Variants in ZNF672 observed in about 807,000 individuals in gnomAD.
The protein encoded by ZNF672 is hypothetical protein FLJ22301.
For synonymous variants in ZNF672, 358 were observed against 305.6 expected, an observed-to-expected ratio of 1.17 and a Z score of -1.79; for missense variants, 733 against 701.1, an observed-to-expected ratio of 1.05 and a Z score of -0.51.
In ZNF672 at chr1:248,848,085, C is replaced by T. The variant is rs767860381; in HGVS notation, c.811C>T (p.Leu271=). 2 of 1,548,764 alleles carry T rather than the reference C, an allele frequency of 1.3e-6. No individual in the cohort carries two copies. The highest frequency in any genetic ancestry group is 1.7e-4 in the Middle Eastern group (1 of 5,978). ...GRCFSESSTL[L]RHRRSHQGER... ...CTGCTTCAGCGAGAGTTCCACGCTG[C>T]TGCGCCATCGGCGCAGCCATCAGGG... is the stretch of plus-strand genomic sequence containing the variant. The change falls in exon 4 of 4, where the codon CTG becomes TTG. Residue 271 remains leucine (L), a synonymous_variant. Transcript: ENST00000306562.
At chr1:248,840,539 A>G (rs755492065) in intron 1 of ZNF672, among the ~76,000 whole-genome samples, 3 of 152,290 alleles carry the variant, frequency 2.0e-5, no homozygotes, top group Non-Finnish European at 4.4e-5. Flanking sequence ...TAGTAAACCA[A>G]AGCAGAATAT....
Position 248,847,133 on chromosome 1 carries a change from C to A in ZNF672, c.-142C>A. 1 of 1,159,988 alleles carries A rather than the reference C, an allele frequency of 8.6e-7. No homozygotes were observed. 71.9% of individuals were successfully genotyped at this position (1,159,988 alleles called of 1,614,324 possible). A position where few individuals can be genotyped will look rare whatever the true frequency, so the allele number is the denominator to read the frequency against. ...GCCCCTTAGAGAAGAACCCTGAAAT[C>A]AGACCAGTTTTTGCGGCCTCCCCCT... On this transcript the variant is annotated 5_prime_UTR_variant, in exon 4 of 4. Coordinates refer to ENST00000306562, the MANE Select transcript of ZNF672 (RefSeq NM_024836.3).
chr1:248,847,465 A>G lies in ZNF672; in HGVS notation c.191A>G (p.His64Arg), dbSNP rs747802109. Reference sequence around the variant, plus strand: ...GACCTCCGAGCGCACAGGCGCACGCATGCTGGCCAGACCCTCTACATCTGC... The same window carrying G: ...GACCTCCGAGCGCACAGGCGCACGCGTGCTGGCCAGACCCTCTACATCTGC... ...AADLRAHRRT[H>R]AGQTLYICSE... is the part of the protein sequence containing the mutation. The change falls in exon 4 of 4, where the codon CAT (histidine) becomes CGT (arginine). Residue 64 changes from histidine (H) to arginine (R), a missense_variant. Transcript: ENST00000306562. 4 of 1,594,298 alleles carry G rather than the reference A, an allele frequency of 2.5e-6. No homozygotes were observed. Among genetic ancestry groups the G allele is most frequent in the Non-Finnish European group, 3.4e-6 (4 of 1,170,582 alleles).
intron 3 of ZNF672, among the ~76,000 whole-genome samples, chr1:248,846,025 C>G (rs1572198016): frequency 6.6e-6 from 1 of 152,278 alleles, no homozygotes; most frequent in Admixed American, 6.5e-5. Context: ...CCCGGAGCAA[C>G]CTGTCAGAAG....
rs550587339 is a variant in ZNF672 at position 248,849,260 on chromosome 1, C to T, written c.*627C>T. 88 of 387,924 alleles carry T rather than the reference C, an allele frequency of 2.3e-4. No homozygotes were observed. The highest frequency in any genetic ancestry group is 1.6e-3 in the African/African-American group (75 of 46,966). 24.0% of individuals were successfully genotyped at this position (387,924 alleles called of 1,614,324 possible). On this transcript the variant is annotated 3_prime_UTR_variant, in exon 4 of 4. Transcript: ENST00000306562. ...CAGTCACGTGAAGGTGGGCAGGGCC[C>T]TTAGCATGGCCACACATGTCCCCAG...
intron 1 of ZNF672, among the ~76,000 whole-genome samples, chr1:248,840,932 A>G (rs1477199967): frequency 6.6e-6 from 1 of 151,328 alleles, no homozygotes; most frequent in Non-Finnish European, 1.5e-5. Context: ...GAGTATTTGT[A>G]TGTGCAGTGG....
intron 1 of ZNF672, among the ~76,000 whole-genome samples, chr1:248,844,222 G>A (rs1413507729): frequency 1.3e-5 from 2 of 151,954 alleles, no homozygotes; most frequent in African/African-American, 2.4e-5. Flanking sequence ...GTTTTGTTTC[G>A]GGTTTTTTTA....
Position 248,847,902 on chromosome 1 carries a change from A to AAG in ZNF672, c.631_632dup (p.Ser211ArgfsTer5). On this transcript the variant is annotated frameshift_variant, in exon 4 of 4. Transcript: ENST00000306562. LOFTEE classifies it low-confidence loss of function (END_TRUNC). ...TGGCGTGTGCGGCAAGTGCTTTGGC[A>AAG]AGAGCTCTACGCTGACGCGACACCT... is the stretch of plus-strand genomic sequence containing the variant. The AAG allele has an allele frequency of 6.3e-7, 1 of 1,588,458 alleles. No homozygotes were observed. Among genetic ancestry groups the AAG allele is most frequent in the Non-Finnish European group, 8.5e-7 (1 of 1,169,624 alleles).
intron 1 of ZNF672, 109 bp from the exon 2 acceptor site, chr1:248,844,374 A>C (rs2103028710): frequency 6.6e-6 from 1 of 152,294 alleles, no homozygotes; most frequent in Non-Finnish European, 1.5e-5. Flanking sequence ...AAGTGAAAGA[A>C]ATTTGGTGGT....
chr1:248,841,753 G>A (rs1040914896), intron 1 of ZNF672, among the ~76,000 whole-genome samples: 1 of 152,122 alleles, frequency 6.6e-6, no homozygotes, highest in African/African-American at 2.4e-5. Context: ...AAAACCCCGT[G>A]TCTGCTAAAA....
chr1:248,847,318 C>A lies in ZNF672; in HGVS notation c.44C>A (p.Ser15Ter). ...SGAVAAGKPY[S>*]CSECGKSFCY... ...GCAGTGGCAGCGGGGAAGCCTTACTCGTGCAGCGAATGTGGCAAGAGCTTC... is the reference window on the plus strand; with the variant it reads ...GCAGTGGCAGCGGGGAAGCCTTACTAGTGCAGCGAATGTGGCAAGAGCTTC... Residue 15 changes from serine (S) to a stop codon, truncating the protein, a stop_gained, in exon 4 of 4, where the codon TCG becomes TAG. Transcript: ENST00000306562. LOFTEE classifies it low-confidence loss of function (END_TRUNC). 2 of 1,609,472 alleles carry A rather than the reference C, an allele frequency of 1.2e-6. No individual in the cohort carries two copies. The highest frequency in any genetic ancestry group is 1.3e-5 in the African/African-American group (1 of 75,012).
intron 1 of ZNF672, chr1:248,839,518 C>T (rs1480343782): frequency 6.6e-6 from 1 of 152,172 alleles, no homozygotes; most frequent in African/African-American, 2.4e-5. Flanking sequence ...GTAGCACCTG[C>T]TCATAGTCCC....
chr1:248,847,424 C>T lies in ZNF672; in HGVS notation c.150C>T (p.Arg50=). 1 of 1,592,398 alleles carries T rather than the reference C, an allele frequency of 6.3e-7. No homozygotes were observed. The highest frequency in any genetic ancestry group is 8.6e-7 in the Non-Finnish European group (1 of 1,169,256). ...GRFRCLECGE[R]CARAADLRAH... is the part of the protein sequence containing the mutation. ...TCCGTTGCCTAGAATGCGGTGAGCGCTGTGCACGGGCTGCTGACCTCCGAG... is the reference window on the plus strand; with the variant it reads ...TCCGTTGCCTAGAATGCGGTGAGCGTTGTGCACGGGCTGCTGACCTCCGAG... The change falls in exon 4 of 4, where the codon CGC becomes CGT. Residue 50 remains arginine, a synonymous_variant. Transcript: ENST00000306562.
At chr1:248,844,089 T>C (rs903531574) in intron 1 of ZNF672, among the ~76,000 whole-genome samples, 6 of 151,358 alleles carry the variant, frequency 4.0e-5, no homozygotes, top group Admixed American at 2.6e-4. Flanking sequence ...AAAATAAGGA[T>C]TTTCAATTAT....
chr1:248,847,524 C>A lies in ZNF672; in HGVS notation c.250C>A (p.Arg84Ser). 3 of 1,597,534 alleles carry A rather than the reference C, an allele frequency of 1.9e-6. No individual in the cohort carries two copies. Among genetic ancestry groups the A allele is most frequent in the Non-Finnish European group, 2.6e-6 (3 of 1,173,070 alleles). The change falls in exon 4 of 4, where the codon CGT becomes AGT. Residue 84 changes from arginine to serine, a missense_variant. Coordinates refer to ENST00000306562, the MANE Select transcript of ZNF672 (RefSeq NM_024836.3). ...ECGQSFRHSG[R>S]LDLHLGAHRQ... ...CGGACAAAGCTTCCGCCACAGCGGC[C>A]GTCTTGACCTACACTTGGGCGCACA...
Position 248,847,659 on chromosome 1 carries a change from C to A in ZNF672, c.385C>A (p.Arg129Ser), listed in dbSNP as rs1308781586. The change falls in exon 4 of 4, where the codon CGC becomes AGC. Residue 129 changes from arginine (R) to serine (S), a missense_variant. Physicochemically the swap from Arg to Ser is moderately radical, Grantham distance 110. Coordinates refer to ENST00000306562, the MANE Select transcript of ZNF672 (RefSeq NM_024836.3). ...RRQHLPERPR[R>S]CPLCARTFRQ... ...CCAGCATCTGCCAGAGCGGCCCCGCCGCTGCCCGCTGTGCGCCCGCACCTT... is the reference window on the plus strand; with the variant it reads ...CCAGCATCTGCCAGAGCGGCCCCGCAGCTGCCCGCTGTGCGCCCGCACCTT... 6.7e-7 allele frequency: 1 copy of A among 1,495,412 alleles called. No homozygotes were observed. The highest frequency in any genetic ancestry group is 8.9e-7 in the Non-Finnish European group (1 of 1,127,220). 92.6% of individuals were successfully genotyped at this position (1,495,412 alleles called of 1,614,324 possible).
At position 248,848,036 on chromosome 1, in the gene ZNF672, G is replaced by A. The variant is rs569751667; in HGVS notation, c.762G>A (p.Pro254=). 7.1e-6 allele frequency: 11 copies of A among 1,549,148 alleles called. No homozygotes were observed. In the South Asian group the frequency reaches 1.2e-4, roughly 17 times the overall value. The stretch of plus-strand genomic sequence containing the variant: ...AGCGCACACACACGGGCGAGAAGCC[G>A]TACGCATGTGGCGACTGTGGACGCT... The part of the protein sequence containing the change: ...RHQRTHTGEK[P]YACGDCGRCF... The change falls in exon 4 of 4, where the codon CCG becomes CCA. Residue 254 remains proline, a synonymous_variant. Coordinates refer to ENST00000306562, the MANE Select transcript of ZNF672 (RefSeq NM_024836.3).
chr1:248,847,289 TG>T lies in ZNF672; in HGVS notation c.19del (p.Ala7GlnfsTer39). On this transcript the variant is annotated frameshift_variant, in exon 4 of 4. Coordinates refer to ENST00000306562, the MANE Select transcript of ZNF672 (RefSeq NM_024836.3). LOFTEE classifies it low-confidence loss of function (END_TRUNC). ...CCGTCCTCACCATGTTTGCCACATC[TG>T]GGGCAGTGGCAGCGGGGAAGCCTTA... is the stretch of plus-strand genomic sequence containing the variant. MFATS[G>X]AVAAGKPYSC... is the part of the protein sequence containing the mutation. 1 of 1,601,838 alleles carries T rather than the reference TG, an allele frequency of 6.2e-7. No homozygotes were observed. Among genetic ancestry groups the T allele is most frequent in the Non-Finnish European group, 8.6e-7 (1 of 1,169,566 alleles).
At chr1:248,845,268 C>G (rs1030473651) in intron 2 of ZNF672, among the ~76,000 whole-genome samples, 2 of 152,084 alleles carry the variant, frequency 1.3e-5, no homozygotes, top group African/African-American at 4.8e-5. Context: ...AGAAAGTCTA[C>G]TCCAGAGCTC....
Sources: allele counts gnomAD v4.1 joint callset (sites outside exome capture counted in the v4.1 genomes callset), GRCh38; gene constraint gnomAD v4.1.1; transcripts MANE v1.5; gene names NCBI Gene and HGNC (gene_info 2026-07-23, HGNC 2026-07-21).